MSI2: variants seen among roughly 807,000 people sequenced by gnomAD.
MSI2 encodes RNA-binding protein Musashi homolog 2.
Under a neutral mutation model 45.6 loss-of-function variants are expected in MSI2, and 17 were observed. The observed-to-expected ratio is 0.37, with a 90% CI of 0.26 to 0.56. The LOEUF (loss-of-function observed/expected upper bound fraction) is 0.56. MSI2 is among the 20% of genes least tolerant of loss of function. The pLI is 0.77. For missense variants in MSI2, 293 were observed against 444.2 expected, an observed-to-expected ratio of 0.66 and a Z score of 3.06; for synonymous variants, 156 against 158.2, an observed-to-expected ratio of 0.99 and a Z score of 0.11.
At chr17:57,576,854 G>A (rs1255892579) in intron 7 of MSI2, among the ~76,000 whole-genome samples, 1 of 151,680 alleles carries the variant, frequency 6.6e-6, no homozygotes, top group African/African-American at 2.4e-5. Flanking sequence ...TTTATAGGAA[G>A]CCTGGGGTTT....
intron 6 of MSI2, among the ~76,000 whole-genome samples, chr17:57,468,249 C>T (rs916501150): frequency 1.3e-5 from 2 of 150,680 alleles, no homozygotes; most frequent in Non-Finnish European, 3.0e-5. Context: ...AGTGGCGGCC[C>T]AGTACGATGG....
At chr17:57,378,399 G>A (rs1234738605) in intron 5 of MSI2, among the ~76,000 whole-genome samples, 1 of 152,152 alleles carries the variant, frequency 6.6e-6, no homozygotes, top group Non-Finnish European at 1.5e-5. Flanking sequence ...GAGTAGCTGG[G>A]ATTACAGGCG....
At chr17:57,620,061 G>A (rs1320822905) in intron 9 of MSI2, among the ~76,000 whole-genome samples, 1 of 152,146 alleles carries the variant, frequency 6.6e-6, no homozygotes, top group Admixed American at 6.5e-5. Context: ...ACCAAGTAGA[G>A]AACCCTTTGG....
At chr17:57,375,199 G>A (rs893490590) in intron 5 of MSI2, among the ~76,000 whole-genome samples, 12 of 152,132 alleles carry the variant, frequency 7.9e-5, no homozygotes, top group African/African-American at 2.9e-4. Context: ...CTAGATAGAG[G>A]GTCAAAAATG....
At chr17:57,646,905 A>G in intron 10 of MSI2, among the ~76,000 whole-genome samples, 1 of 152,150 alleles carries the variant, frequency 6.6e-6, no homozygotes, top group East Asian at 1.9e-4. Context: ...TGGTCAACCT[A>G]TAGCTCTCAG....
At chr17:57,621,630 A>G (rs1908297790) in intron 9 of MSI2, among the ~76,000 whole-genome samples, 1 of 152,242 alleles carries the variant, frequency 6.6e-6, no homozygotes, top group South Asian at 2.1e-4. Context: ...ATCATTTAAG[A>G]TTTTCTCCAT....
chr17:57,279,561 T>A (rs1420761983), intron 5 of MSI2: 1 of 152,216 alleles, frequency 6.6e-6, no homozygotes, highest in Non-Finnish European at 1.5e-5. Flanking sequence ...AGCAACTCAG[T>A]CCCTGCCCTT....
At chr17:57,478,527 G>T (rs11659121) in intron 6 of MSI2, among the ~76,000 whole-genome samples, 2 of 152,040 alleles carry the variant, frequency 1.3e-5, no homozygotes, top group South Asian at 2.1e-4. Context: ...CTATCTCCCC[G>T]ACAAAACCAA....
At chr17:57,560,919 A>G (rs1346605623) in intron 7 of MSI2, among the ~76,000 whole-genome samples, 2 of 152,168 alleles carry the variant, frequency 1.3e-5, no homozygotes, top group Non-Finnish European at 2.9e-5. Flanking sequence ...GTTTCGCCCC[A>G]GTGGAACTGG....
chr17:57,568,334 C>T (rs73994405), intron 7 of MSI2, among the ~76,000 whole-genome samples: 4,387 of 152,246 alleles, frequency 0.029, 145 homozygotes, highest in African/African-American at 0.076. Flanking sequence ...GGGCACAAGA[C>T]ACAAGACAGT....
intron 6 of MSI2, among the ~76,000 whole-genome samples, chr17:57,498,038 A>C (rs975267143): frequency 3.3e-5 from 5 of 152,236 alleles, no homozygotes; most frequent in African/African-American, 1.2e-4. Context: ...AATAAATGAG[A>C]GAACTGATCC....
chr17:57,330,100 T>G (rs992684383), intron 5 of MSI2, among the ~76,000 whole-genome samples: 10 of 152,094 alleles, frequency 6.6e-5, no homozygotes, highest in African/African-American at 2.4e-4. Flanking sequence ...CCAACTTCTT[T>G]AAGTCAGCAA....
intron 5 of MSI2, among the ~76,000 whole-genome samples, chr17:57,314,164 A>G (rs541014596): frequency 8.5e-5 from 13 of 152,248 alleles, no homozygotes; most frequent in African/African-American, 3.1e-4. Context: ...ATGAGTGCAC[A>G]TGTATAAATT....
chr17:57,445,618 A>G (rs1366489971), intron 6 of MSI2, among the ~76,000 whole-genome samples: 1 of 152,156 alleles, frequency 6.6e-6, no homozygotes, highest in Non-Finnish European at 1.5e-5. Context: ...TATAATGCAT[A>G]CAAACGTCTG....
chr17:57,442,252 G>T (rs2084814492), intron 6 of MSI2, among the ~76,000 whole-genome samples: 1 of 152,006 alleles, frequency 6.6e-6, no homozygotes, highest in African/African-American at 2.4e-5. Context: ...GGCCAGGATG[G>T]TCTCTATCTC....
At chr17:57,508,755 G>A (rs971256204) in intron 6 of MSI2, among the ~76,000 whole-genome samples, 1 of 152,186 alleles carries the variant, frequency 6.6e-6, no homozygotes, top group Non-Finnish European at 1.5e-5. Flanking sequence ...GCCAAGGGGA[G>A]ATAGGAACTG....
intron 7 of MSI2, among the ~76,000 whole-genome samples, chr17:57,586,535 G>A (rs1334282283): frequency 1.3e-5 from 2 of 152,088 alleles, no homozygotes; most frequent in Admixed American, 6.5e-5. Flanking sequence ...CCTGATGCCT[G>A]TTTGAAATTC....
chr17:57,569,549 TG>T (rs1301810147), intron 7 of MSI2, among the ~76,000 whole-genome samples: 1 of 152,238 alleles, frequency 6.6e-6, no homozygotes, highest in Non-Finnish European at 1.5e-5. Flanking sequence ...CTTGCAAGCC[TG>T]GGCTAATAAG....
rs761489611 is a variant in MSI2, at chr17:57,258,353, C to A, written c.269C>A (p.Thr90Lys). The A allele has an allele frequency of 6.2e-7, 1 of 1,613,414 alleles. No homozygotes were observed. Among genetic ancestry groups the A allele is most frequent in the South Asian group, 1.1e-5 (1 of 91,070 alleles). ...CCCCACCATGAGTTAGATTCCAAGACGGTAGGTTGCTTTTTGTTGTTGTTG... is the reference window on the plus strand; with the variant it reads ...CCCCACCATGAGTTAGATTCCAAGAAGGTAGGTTGCTTTTTGTTGTTGTTG... ...GQPHHELDSK[T>K]IDPKVAFPRR... Residue 90 changes from threonine (T) to lysine (K), a missense_variant and splice_region_variant, in exon 4 of 14, where the codon ACG becomes AAG. Transcript: ENST00000284073.
Sources: allele counts gnomAD v4.1 joint callset (sites outside exome capture counted in the v4.1 genomes callset), GRCh38; gene constraint gnomAD v4.1.1; transcripts MANE v1.5; gene names NCBI Gene and HGNC (gene_info 2026-07-23, HGNC 2026-07-21).